The following MMP26 variants were observed in gnomAD, a reference collection of about 807,000 sequenced individuals.
The protein encoded by MMP26 is matrix metalloproteinase-26.
MMP26 carries 33 observed loss-of-function variants against 31.0 expected under a neutral mutation model. That is an observed-to-expected ratio of 1.06 (90% CI 0.81 to 1.42). The LOEUF (loss-of-function observed/expected upper bound fraction) is 1.42, where lower values mean the gene tolerates loss of function less well. Among genes scored for constraint, MMP26 ranks in the 40% most tolerant of loss-of-function variants. The probability of loss-of-function intolerance (pLI) is 0.00; values close to 1 mark genes in which losing one functional copy is unlikely to be tolerated. For missense variants in MMP26, 347 were observed against 316.1 expected (o/e 1.10, Z -0.74); for synonymous variants, 122 against 114.9 (o/e 1.06, Z -0.40).
chr11:4,838,445 A>G lies in MMP26; in HGVS notation c.-145+71104A>G, dbSNP rs140678545. On this transcript the variant is annotated intron_variant, in intron 2 of 7. Transcript: ENST00000380390. ...ACATGTAAATCCTTTAAAGCCAGCAATCGTGACCTGGAGATCAGTCTTTCA... is the reference window on the plus strand; with the variant it reads ...ACATGTAAATCCTTTAAAGCCAGCAGTCGTGACCTGGAGATCAGTCTTTCA... Among the ~76,000 whole-genome samples the G allele has an allele frequency of 2.6e-5, 4 of 151,726 alleles. No homozygotes were observed. In the East Asian group the frequency reaches 5.8e-4, roughly 22 times the overall value.
intron 2 of MMP26, among the ~76,000 whole-genome samples, chr11:4,773,704 G>T (rs1319858390): frequency 6.6e-6 from 1 of 151,210 alleles, no homozygotes; most frequent in Admixed American, 6.6e-5. Context: ...CATGTGCCAT[G>T]GTGGTTTGCT....
At chr11:4,908,463 G>A (rs989474266) in intron 2 of MMP26, 72 of 687,254 alleles carry the variant, frequency 1.0e-4, no homozygotes, top group Non-Finnish European at 1.7e-4. Context: ...GAATATAACT[G>A]AACAGGATAG....
At chr11:4,960,260 T>G (rs1320935254) in intron 2 of MMP26, among the ~76,000 whole-genome samples, 2 of 152,048 alleles carry the variant, frequency 1.3e-5, no homozygotes, top group Non-Finnish European at 1.5e-5. Flanking sequence ...TACATTCACG[T>G]TTTTGGATAG....
intron 1 of MMP26, chr11:4,722,839 T>C (rs1848033957): frequency 9.1e-6 from 8 of 881,018 alleles, no homozygotes; most frequent in Admixed American, 3.4e-5. Context: ...CTGAAGGAGC[T>C]GGAGCCGCGC....
At chr11:4,915,021 C>A in intron 2 of MMP26, 1 of 1,614,052 alleles carries the variant, frequency 6.2e-7, no homozygotes, top group Non-Finnish European at 8.5e-7. Context: ...AGCAGTGAGT[C>A]TATACCCACT....
intron 2 of MMP26, among the ~76,000 whole-genome samples, chr11:4,928,405 C>T (rs1851302715): frequency 6.6e-6 from 1 of 152,134 alleles, no homozygotes; most frequent in Admixed American, 6.5e-5. Flanking sequence ...ATGTCAATTT[C>T]ATATCTTCAA....
intron 2 of MMP26, among the ~76,000 whole-genome samples, chr11:4,976,578 C>T (rs1457150647): frequency 6.6e-6 from 1 of 151,938 alleles, no homozygotes; most frequent in Non-Finnish European, 1.5e-5. Context: ...CTATTAGGCC[C>T]ATGTATTGAT....
At position 4,849,132 on chromosome 11, in the gene MMP26, G is replaced by A. The variant is rs375695111; in HGVS notation, c.-145+81791G>A. On this transcript the variant is annotated intron_variant, in intron 2 of 7. Transcript: ENST00000380390. ...CCAGGAGGGTGCACCTGATAGGCCT[G>A]GCATGCCCACCAGCAAGAAGGTGGG... 5 of 1,613,972 alleles carry A rather than the reference G, an allele frequency of 3.1e-6. No individual in the cohort carries two copies. In the African/African-American group the frequency reaches 5.3e-5, roughly 17 times the overall value.
intron 2 of MMP26, among the ~76,000 whole-genome samples, chr11:4,771,706 G>T (rs1174370313): frequency 6.6e-6 from 1 of 152,066 alleles, no homozygotes; most frequent in Non-Finnish European, 1.5e-5. Context: ...CTGTAGCAAG[G>T]ATACAAGTTA....
At chr11:4,924,409 T>C (rs1851239556) in intron 2 of MMP26, 8 of 1,463,112 alleles carry the variant, frequency 5.5e-6, no homozygotes, top group Non-Finnish European at 7.4e-6. Context: ...AAGGCTGAAT[T>C]CTCACTCACC....
chr11:4,822,370 A>T, intron 2 of MMP26: 1 of 1,468,942 alleles, frequency 6.8e-7, no homozygotes. Flanking sequence ...CTCCAAATCT[A>T]ATCATCAGCT....
rs1029542485 is a variant in MMP26 at position 4,723,941 on chromosome 11, G to C, written c.-217+18896G>C. ...GCCTGGATGTTGGGATCTACCTCCA[G>C]GTTAAGGGGACTCAGCAGGTTCTGG... On this transcript the variant is annotated intron_variant, in intron 1 of 7. Coordinates refer to ENST00000380390, the MANE Select transcript of MMP26 (RefSeq NM_021801.5). The C allele has an allele frequency of 4.5e-5, 37 of 818,026 alleles. No individual in the cohort carries two copies. In the Admixed American group the frequency reaches 6.3e-4, roughly 14 times the overall value. The allele number at this position is 818,026 out of a possible 1,614,324, so 50.7% of individuals were successfully genotyped here.
chr11:4,773,589 T>C (rs1174007160), intron 2 of MMP26, among the ~76,000 whole-genome samples: 1 of 143,370 alleles, frequency 7.0e-6, no homozygotes, highest in African/African-American at 2.6e-5. Flanking sequence ...GTGTAGTGTT[T>C]GTGGGGTTTT....
At chr11:4,713,979 G>A (rs925576140) in intron 1 of MMP26, among the ~76,000 whole-genome samples, 2 of 152,144 alleles carry the variant, frequency 1.3e-5, no homozygotes, top group Non-Finnish European at 2.9e-5. Flanking sequence ...TCTGGGGGCT[G>A]CAGAAATCAC....
At chr11:4,708,978 C>G (rs933667855) in intron 1 of MMP26, among the ~76,000 whole-genome samples, 1 of 152,070 alleles carries the variant, frequency 6.6e-6, no homozygotes, top group African/African-American at 2.4e-5. Context: ...TTAATTGTTT[C>G]TTTCCTGGTA....
At chr11:4,816,181 G>A (rs1266316777) in intron 2 of MMP26, among the ~76,000 whole-genome samples, 2 of 151,876 alleles carry the variant, frequency 1.3e-5, no homozygotes, top group South Asian at 2.1e-4. Context: ...TATTTTCCAC[G>A]GTTTCTTTAT....
chr11:4,840,606 A>G (rs1048613225), intron 2 of MMP26, among the ~76,000 whole-genome samples: 1 of 152,250 alleles, frequency 6.6e-6, no homozygotes, highest in Non-Finnish European at 1.5e-5. Flanking sequence ...TAGAAGAAGC[A>G]CAGCATTACT....
At chr11:4,809,069 C>G (rs937493914) in intron 2 of MMP26, among the ~76,000 whole-genome samples, 1 of 151,900 alleles carries the variant, frequency 6.6e-6, no homozygotes, top group Non-Finnish European at 1.5e-5. Flanking sequence ...CAGCTTGCTG[C>G]TGTGTTGAGA....
chr11:4,989,597 A>G (rs539350656), intron 3 of MMP26, 51 bp from the exon 4 acceptor site: 2 of 1,465,380 alleles, frequency 1.4e-6, no homozygotes, highest in East Asian at 2.3e-5. Flanking sequence ...TAACTGATAT[A>G]TGGGTCTTCC....
Sources: gnomAD v4.1 joint callset for allele counts (sites outside exome capture counted in the v4.1 genomes callset) on GRCh38, gnomAD v4.1.1 for gene constraint, MANE v1.5 for transcripts, NCBI Gene and HGNC (gene_info 2026-07-23, HGNC 2026-07-21) for gene names.